The following ANTXR1 variants were observed in gnomAD, a reference collection of about 807,000 sequenced individuals.
The protein encoded by ANTXR1 is ANTXR cell adhesion molecule 1.
Under a neutral mutation model 78.1 loss-of-function variants are expected in ANTXR1, and 19 were observed. The observed-to-expected ratio is 0.24, with a 90% CI of 0.17 to 0.36. ANTXR1 has a LOEUF of 0.36. Among genes scored for constraint, ANTXR1 ranks in the 10% least tolerant of loss-of-function variants. The pLI is 1.00. For synonymous variants in ANTXR1, 273 were observed against 260.5 expected, an observed-to-expected ratio of 1.05 and a Z score of -0.46; for missense variants, 518 against 718.6, an observed-to-expected ratio of 0.72 and a Z score of 3.19.
chr2:69,040,814 T>C (rs1459287358), intron 2 of ANTXR1, among the ~76,000 whole-genome samples: 1 of 152,142 alleles, frequency 6.6e-6, no homozygotes, highest in African/African-American at 2.4e-5. Context: ...TGTCAAAGTC[T>C]TTGGTAAAAT....
intron 8 of ANTXR1, among the ~76,000 whole-genome samples, chr2:69,082,561 G>A (rs1208472093): frequency 1.3e-5 from 2 of 152,102 alleles, no homozygotes; most frequent in African/African-American, 4.8e-5. Context: ...CAAGGCTCCT[G>A]GGTCTTTGCT....
intron 1 of ANTXR1, among the ~76,000 whole-genome samples, chr2:69,028,179 T>TTA (rs1671409118): frequency 6.6e-6 from 1 of 152,206 alleles, no homozygotes; most frequent in South Asian, 2.1e-4. Context: ...CTTTCAATGC[T>TTA]TTAATAGAAG....
chr2:69,146,476 C>A, intron 12 of ANTXR1: 1 of 773,132 alleles, frequency 1.3e-6, no homozygotes, highest in Non-Finnish European at 1.6e-6. Context: ...CTGTTTCTCC[C>A]CCTCTGGAAT....
intron 17 of ANTXR1, among the ~76,000 whole-genome samples, chr2:69,217,030 A>G (rs1241321729): frequency 2.0e-5 from 3 of 152,220 alleles, no homozygotes; most frequent in Admixed American, 6.5e-5. Context: ...TGAAATGCAG[A>G]TAAACTACAT....
rs1372023827 is a variant in ANTXR1, at chr2:69,245,457, C to T, written c.1667C>T (p.Ser556Phe). ...CCTCCCAACAGGGCACCTCCTCCCTCCCGCCCTCCTCCAAGGCCTTCTGTC... is the reference window on the plus strand; with the variant it reads ...CCTCCCAACAGGGCACCTCCTCCCTTCCGCCCTCCTCCAAGGCCTTCTGTC... Reference protein sequence around the residue: ...APPPNRAPPPSRPPPRPSV With the variant: ...APPPNRAPPPFRPPPRPSV The change falls in exon 18 of 18, where the codon TCC becomes TTC. Residue 556 changes from serine (S) to phenylalanine (F), a missense_variant. Ser to Phe is a radical substitution (Grantham distance 155). Around this residue, in one of 5 missense-constraint regions of ANTXR1, gnomAD observed 192 missense variants for 230.2 expected, o/e 0.83. Transcript: ENST00000303714. The T allele has an allele frequency of 2.5e-6, 4 of 1,612,012 alleles. No homozygotes were observed. The highest frequency in any genetic ancestry group is 2.7e-5 in the African/African-American group (2 of 74,450).
In ANTXR1 at chr2:69,013,192, C is replaced by T. The variant is rs1181563494; in HGVS notation, c.-308C>T. On this transcript the variant is annotated 5_prime_UTR_variant, in exon 1 of 18. Coordinates refer to ENST00000303714, the MANE Select transcript of ANTXR1 (RefSeq NM_032208.3). The surrounding 1 kb of genome is among the most constrained non-coding windows in gnomAD (Gnocchi z 5.0). ...AGAACCGTCGGGACGGAACTCCTTC[C>T]ATTGCAAAAGCTCGGCGCGGCCTCG... 1 of 303,502 alleles carries T rather than the reference C, an allele frequency of 3.3e-6. No homozygotes were observed. Among genetic ancestry groups the T allele is most frequent in the Non-Finnish European group, 6.4e-6 (1 of 155,072 alleles). The allele number at this position is 303,502 out of a possible 1,614,324, so 18.8% of individuals were successfully genotyped here.
At chr2:69,175,396 C>A (rs1378677275) in intron 14 of ANTXR1, among the ~76,000 whole-genome samples, 1 of 151,916 alleles carries the variant, frequency 6.6e-6, no homozygotes, top group East Asian at 1.9e-4. Context: ...TGCTTGGGGC[C>A]AGGAGTTCGA....
chr2:69,038,484 A>G (rs1212087923), intron 1 of ANTXR1, among the ~76,000 whole-genome samples: 2 of 152,254 alleles, frequency 1.3e-5, no homozygotes, highest in Non-Finnish European at 2.9e-5. Context: ...AGTGCCTATT[A>G]TAAGATTCTA....
chr2:69,067,425 T>C (rs1027243905), intron 3 of ANTXR1, among the ~76,000 whole-genome samples: 4 of 149,200 alleles, frequency 2.7e-5, no homozygotes, highest in Admixed American at 2.7e-4. Flanking sequence ...CAAGCAAATA[T>C]TTCCACACCC....
At chr2:69,133,318 C>T (rs1458708731) in intron 12 of ANTXR1, among the ~76,000 whole-genome samples, 1 of 152,212 alleles carries the variant, frequency 6.6e-6, no homozygotes, top group Non-Finnish European at 1.5e-5. Flanking sequence ...AATCAGGACT[C>T]ACTAACTGAC....
Position 69,133,298 on chromosome 2 carries a change from C to G in ANTXR1, c.951+8655C>G, listed in dbSNP as rs184016759. Among the ~76,000 whole-genome samples, 29 of 152,316 alleles carry G rather than the reference C, an allele frequency of 1.9e-4. No homozygotes were observed. In the East Asian group the frequency reaches 4.8e-3, roughly 25 times the overall value. Reference sequence around the variant, plus strand: ...GAAGACCCTTCCAAACAACCAGTTGCAGAGAACAGAATCAGGACTCACTAA... The same window carrying G: ...GAAGACCCTTCCAAACAACCAGTTGGAGAGAACAGAATCAGGACTCACTAA... On this transcript the variant is annotated intron_variant, in intron 12 of 17. Coordinates refer to ENST00000303714, the MANE Select transcript of ANTXR1 (RefSeq NM_032208.3).
intron 9 of ANTXR1, among the ~76,000 whole-genome samples, chr2:69,095,280 A>G (rs566928590): frequency 1.3e-5 from 2 of 148,298 alleles, no homozygotes; most frequent in South Asian, 4.3e-4. Context: ...AGTGTCTTTT[A>G]TGCACCAACC....
intron 17 of ANTXR1, among the ~76,000 whole-genome samples, chr2:69,212,902 G>A (rs1181690483): frequency 6.7e-6 from 1 of 150,208 alleles, no homozygotes; most frequent in Non-Finnish European, 1.5e-5. Context: ...AAATTCCTGA[G>A]CTCAAGTGAC....
chr2:69,101,056 T>A (rs1216132862), intron 9 of ANTXR1, among the ~76,000 whole-genome samples: 1 of 152,236 alleles, frequency 6.6e-6, no homozygotes, highest in Non-Finnish European at 1.5e-5. Context: ...TCATTCAAAA[T>A]GTCACAGTCT....
chr2:69,148,611 G>T (rs113606936), intron 12 of ANTXR1, among the ~76,000 whole-genome samples: 1 of 152,170 alleles, frequency 6.6e-6, no homozygotes, highest in African/African-American at 2.4e-5. Context: ...ATGAGTTAGC[G>T]TAAGGAAAGC....
rs536627724 is a variant in ANTXR1, at chr2:69,148,276, C to T, written c.952-3893C>T. Among the ~76,000 whole-genome samples, 32 of 152,308 alleles carry T rather than the reference C, an allele frequency of 2.1e-4. No individual in the cohort carries two copies. In the South Asian group the frequency reaches 6.2e-3, roughly 30 times the overall value. The stretch of plus-strand genomic sequence containing the variant: ...TCATGCTGTGCTCCCAGCATGTGGA[C>T]CTCCACTGCCCCTGCCCTACCCCAG... On this transcript the variant is annotated intron_variant, in intron 12 of 17. Transcript: ENST00000303714.
rs537600448 is a variant in ANTXR1, at chr2:69,245,508, C to A, written c.*23C>A. ...TAGAGCCCAAAGTTCCTGCTCTGGG[C>A]TCTCTCAGAAACTTCAGGAGATGTT... On this transcript the variant is annotated 3_prime_UTR_variant, in exon 18 of 18. Coordinates refer to ENST00000303714, the MANE Select transcript of ANTXR1 (RefSeq NM_032208.3). 3 of 1,612,986 alleles carry A rather than the reference C, an allele frequency of 1.9e-6. No homozygotes were observed. The highest frequency in any genetic ancestry group is 4.5e-5 in the East Asian group (2 of 44,776).
At position 69,170,692 on chromosome 2, in the gene ANTXR1, A is replaced by G. The variant is rs560526085; in HGVS notation, c.1089+403A>G. ...TCAGGCACAGTTTGCTACATTCTCC[A>G]ATCATTGGTTCTAGGAATAACCTGA... On this transcript the variant is annotated intron_variant, in intron 14 of 17. Transcript: ENST00000303714. Among the ~76,000 whole-genome samples, 5 of 152,174 alleles carry G rather than the reference A, an allele frequency of 3.3e-5. No individual in the cohort carries two copies. In the East Asian group the frequency reaches 7.7e-4, roughly 24 times the overall value.
At chr2:69,192,858 G>A (rs1674573434) in intron 16 of ANTXR1, among the ~76,000 whole-genome samples, 1 of 152,162 alleles carries the variant, frequency 6.6e-6, no homozygotes, top group Non-Finnish European at 1.5e-5. Flanking sequence ...AGACAGCCAG[G>A]GATGTGCATT....
Sources: allele counts gnomAD v4.1 joint callset (sites outside exome capture counted in the v4.1 genomes callset), GRCh38; gene constraint gnomAD v4.1.1; regional missense constraint gnomAD v4.1.1; non-coding constraint Gnocchi (gnomAD v3.1); transcripts MANE v1.5; gene names NCBI Gene and HGNC (gene_info 2026-07-23, HGNC 2026-07-21).